Variants in MALRD1 observed in about 807,000 individuals in gnomAD.
MALRD1 encodes MAM and LDL-receptor class A domain-containing protein 1.
MALRD1 carries 247 observed loss-of-function variants against 242.1 expected under a neutral mutation model. That is an observed-to-expected ratio of 1.02 (90% CI 0.92 to 1.13). The LOEUF is 1.13. Ranked by LOEUF, MALRD1 falls within the 50% of genes most tolerant of loss-of-function variation. MALRD1 has a pLI of 0.00. For synonymous variants in MALRD1, 995 were observed against 866.6 expected (o/e 1.15, Z -2.60); for missense variants, 2,989 against 2,533.1 (o/e 1.18, Z -3.86).
chr10:19,603,157 G>T (rs1838446361), intron 34 of MALRD1, among the ~76,000 whole-genome samples: 3 of 152,148 alleles, frequency 2.0e-5, no homozygotes, highest in Admixed American at 2.0e-4. Context: ...TGTTCACTCT[G>T]ATGGTAATTT....
intron 26 of MALRD1, among the ~76,000 whole-genome samples, chr10:19,378,969 C>T (rs1577296): frequency 0.87 from 132,629 of 152,094 alleles, 58,064 homozygotes; most frequent in African/African-American, 0.92. Flanking sequence ...TTAATTATGG[C>T]TTCTATCCAT....
intron 28 of MALRD1, among the ~76,000 whole-genome samples, chr10:19,409,420 A>G (rs1833177566): frequency 6.6e-6 from 1 of 152,090 alleles, no homozygotes; most frequent in Non-Finnish European, 1.5e-5. Flanking sequence ...ATGCCAATGC[A>G]CTCTAGCCTC....
intron 19 of MALRD1, among the ~76,000 whole-genome samples, chr10:19,269,345 G>A (rs976617829): frequency 5.3e-5 from 8 of 152,192 alleles, no homozygotes; most frequent in Non-Finnish European, 1.2e-4. Context: ...GCTCTCACGC[G>A]CTCTCTCGCT....
chr10:19,081,685 A>T (rs536703270), intron 2 of MALRD1, among the ~76,000 whole-genome samples: 1 of 152,038 alleles, frequency 6.6e-6, no homozygotes, highest in East Asian at 1.9e-4. Context: ...TGGGTGATGG[A>T]TTGATCTGTG....
At chr10:19,496,940 G>A (rs1314551616) in intron 30 of MALRD1, among the ~76,000 whole-genome samples, 1 of 152,112 alleles carries the variant, frequency 6.6e-6, no homozygotes, top group Non-Finnish European at 1.5e-5. Context: ...TTAGCCTTAA[G>A]AAAGAGAAAA....
Position 19,257,773 on chromosome 10 carries a change from T to C in MALRD1, c.3079+2T>C. On this transcript the variant is annotated splice_donor_variant, in intron 19 of 39. Transcript: ENST00000454679. LOFTEE classifies it high-confidence loss of function. ...TTATGGACTGCACCCTCTACCCTGG[T>C]AAGAGAGAACATTTCAATTTGGGGT... 1 of 1,504,008 alleles carries C rather than the reference T, an allele frequency of 6.6e-7. No homozygotes were observed. Among genetic ancestry groups the C allele is most frequent in the Non-Finnish European group, 8.9e-7 (1 of 1,120,804 alleles). 93.2% of individuals were successfully genotyped at this position (1,504,008 alleles called of 1,614,324 possible).
chr10:19,098,350 C>T (rs955792116), intron 4 of MALRD1, among the ~76,000 whole-genome samples: 3 of 152,014 alleles, frequency 2.0e-5, no homozygotes, highest in Non-Finnish European at 4.4e-5. Flanking sequence ...GATATTTCAT[C>T]GAGAAATGCT....
intron 33 of MALRD1, among the ~76,000 whole-genome samples, chr10:19,572,150 C>T (rs1408806877): frequency 6.6e-6 from 1 of 152,200 alleles, no homozygotes; most frequent in Non-Finnish European, 1.5e-5. Flanking sequence ...CTCTGTCCTA[C>T]CTTAATTCCT....
intron 11 of MALRD1, among the ~76,000 whole-genome samples, chr10:19,154,344 G>A (rs939847058): frequency 2.6e-5 from 4 of 152,008 alleles, no homozygotes; most frequent in South Asian, 2.1e-4. Flanking sequence ...CTCTGAATAC[G>A]GTATTTTCCA....
At chr10:19,624,495 C>T (rs1839554510) in intron 36 of MALRD1, among the ~76,000 whole-genome samples, 1 of 152,038 alleles carries the variant, frequency 6.6e-6, no homozygotes. Flanking sequence ...AATTACATGT[C>T]ATGTGTTTGA....
intron 26 of MALRD1, among the ~76,000 whole-genome samples, chr10:19,364,471 G>A (rs1845028627): frequency 3.3e-5 from 5 of 152,040 alleles, no homozygotes; most frequent in Admixed American, 2.6e-4. Flanking sequence ...ATGTGTTTGT[G>A]TTTCTGATAA....
At chr10:19,367,909 AG>A (rs748755556) in intron 26 of MALRD1, among the ~76,000 whole-genome samples, 2 of 151,838 alleles carry the variant, frequency 1.3e-5, no homozygotes, top group African/African-American at 2.4e-5. Flanking sequence ...GTGTGTTTTG[AG>A]AAATGTTTGT....
chr10:19,331,510 A>G lies in MALRD1; in HGVS notation c.3829A>G (p.Ile1277Val), dbSNP rs7100403. The part of the protein sequence containing the change: ...HEFMCANKHC[I>V]AKDKLCDFVN... ...ATTCATGTGTGCTAATAAGCACTGC[A>G]TTGCCAAAGACAAGCTGTGTGATTT... Residue 1277 changes from isoleucine to valine, a missense_variant, in exon 24 of 40, where the codon ATT becomes GTT. By Grantham distance (29) the Ile-to-Val change is conservative. Transcript: ENST00000454679. 0.57 allele frequency: 875,618 copies of G among 1,549,764 alleles called. 249,237 individuals carry two copies. The highest frequency in any genetic ancestry group is 0.59 in the Middle Eastern group (3,508 of 5,986).
At chr10:19,145,880 T>A (rs937067414) in intron 10 of MALRD1, among the ~76,000 whole-genome samples, 1 of 152,120 alleles carries the variant, frequency 6.6e-6, no homozygotes, top group Non-Finnish European at 1.5e-5. Context: ...TCAGCAGGTT[T>A]ATACTGGGCA....
chr10:19,294,216 A>G (rs2496058), intron 21 of MALRD1, among the ~76,000 whole-genome samples: 21,900 of 152,194 alleles, frequency 0.14, 1,869 homozygotes, highest in South Asian at 0.36. Context: ...CCACATTAAA[A>G]AGAAATAATT....
chr10:19,190,241 A>G (rs376403997), intron 14 of MALRD1, among the ~76,000 whole-genome samples: 4 of 152,062 alleles, frequency 2.6e-5, no homozygotes, highest in African/African-American at 7.2e-5. Flanking sequence ...TTAGGAATTA[A>G]TCAAGATGGT....
intron 5 of MALRD1, among the ~76,000 whole-genome samples, chr10:19,111,343 A>G (rs1034515264): frequency 1.3e-5 from 2 of 152,224 alleles, no homozygotes; most frequent in African/African-American, 4.8e-5. Context: ...ACATCATTAT[A>G]ACCATAATGT....
intron 15 of MALRD1, among the ~76,000 whole-genome samples, 179 bp from the exon 16 acceptor site, chr10:19,204,129 G>A (rs1836675825): frequency 6.6e-6 from 1 of 152,162 alleles, no homozygotes; most frequent in Admixed American, 6.5e-5. Flanking sequence ...AGCATGAGAT[G>A]TAGATAGTGG....
chr10:19,108,387 CTTTTTTTTT>C (rs35948766), intron 5 of MALRD1, among the ~76,000 whole-genome samples: 2 of 19,762 alleles, frequency 1.0e-4, no homozygotes, highest in East Asian at 1.4e-3. Context: ...ATTGTTTTTT[CTTTTTTTTT>C]TTTTTTTTTT....
Sources: allele counts gnomAD v4.1 joint callset (sites outside exome capture counted in the v4.1 genomes callset), GRCh38; gene constraint gnomAD v4.1.1; transcripts MANE v1.5; gene names NCBI Gene and HGNC (gene_info 2026-07-23, HGNC 2026-07-21).